SNTB2: variants seen among roughly 807,000 people sequenced by gnomAD.
SNTB2 encodes syntrophin beta 2.
In SNTB2, 34 loss-of-function variants were observed where a neutral mutation model predicts 46.2. The ratio of observed to expected loss-of-function variants is 0.74; its 90% CI spans 0.56 to 0.98. The LOEUF (loss-of-function observed/expected upper bound fraction) is 0.98. SNTB2 is among the 50% of genes least tolerant of loss of function. SNTB2 has a pLI of 0.00. For missense variants in SNTB2, 603 were observed against 731.4 expected (o/e 0.82, Z 2.02); for synonymous variants, 290 against 312.6 (o/e 0.93, Z 0.76).
At chr16:69,252,241 A>G (rs1964734389) in intron 2 of SNTB2, among the ~76,000 whole-genome samples, 1 of 152,358 alleles carries the variant, frequency 6.6e-6, no homozygotes, top group East Asian at 1.9e-4. Context: ...AATGATCAGA[A>G]TGAGTAAGTA....
chr16:69,292,778 AT>A (rs1027438306), intron 5 of SNTB2, among the ~76,000 whole-genome samples: 1 of 151,648 alleles, frequency 6.6e-6, no homozygotes, highest in African/African-American at 2.4e-5. Context: ...TATAACATCA[AT>A]TTTTTGATTT....
intron 1 of SNTB2, chr16:69,235,776 C>T (rs1964553971): frequency 1.2e-5 from 16 of 1,289,236 alleles, no homozygotes; most frequent in Non-Finnish European, 1.6e-5. Context: ...TCTGTCTGAC[C>T]AATATCAGGG....
chr16:69,281,143 T>G (rs1324109430), intron 4 of SNTB2, among the ~76,000 whole-genome samples: 3 of 152,136 alleles, frequency 2.0e-5, no homozygotes, highest in Non-Finnish European at 2.9e-5. Context: ...TTAATTTTAA[T>G]GAAGTCCAAC....
chr16:69,297,203 A>G (rs955025006), intron 5 of SNTB2, among the ~76,000 whole-genome samples: 1 of 145,594 alleles, frequency 6.9e-6, no homozygotes, highest in African/African-American at 2.5e-5. Flanking sequence ...GCTACTCAGG[A>G]GGCTAAGGCA....
rs1019928827 is a variant in SNTB2 at position 69,308,065 on chromosome 16, C to T, written c.*7141C>T. On this transcript the variant is annotated 3_prime_UTR_variant, in exon 7 of 7. Transcript: ENST00000336278. Reference sequence around the variant, plus strand: ...ATTGGAATGGCACAGGAAACCGAATCACATGGGTGCCCTCCCCTTGGTTTT... The same window carrying T: ...ATTGGAATGGCACAGGAAACCGAATTACATGGGTGCCCTCCCCTTGGTTTT... The T allele has an allele frequency of 6.6e-6, 1 of 152,590 alleles. No homozygotes were observed. Among genetic ancestry groups the T allele is most frequent in the Non-Finnish European group, 1.5e-5 (1 of 68,030 alleles). The allele number at this position is 152,590 out of a possible 1,614,324, so 9.5% of individuals were successfully genotyped here.
chr16:69,256,634 A>G (rs1332550491), intron 2 of SNTB2, among the ~76,000 whole-genome samples: 1 of 152,148 alleles, frequency 6.6e-6, no homozygotes, highest in African/African-American at 2.4e-5. Context: ...TGCATGTTGT[A>G]ACATGTGTTA....
intron 1 of SNTB2, among the ~76,000 whole-genome samples, chr16:69,223,590 C>T (rs1008946859): frequency 6.6e-6 from 1 of 152,050 alleles, no homozygotes; most frequent in South Asian, 2.1e-4. Flanking sequence ...CCACATTACA[C>T]TTCGTTGTCA....
intron 2 of SNTB2, among the ~76,000 whole-genome samples, chr16:69,259,771 G>A (rs945944183): frequency 7.3e-5 from 11 of 150,756 alleles, no homozygotes; most frequent in Non-Finnish European, 1.2e-4. Context: ...CACCATGTCC[G>A]GCTAATTTTT....
intron 4 of SNTB2, among the ~76,000 whole-genome samples, chr16:69,281,233 ATT>A (rs766538644): frequency 9.9e-5 from 14 of 140,812 alleles, no homozygotes; most frequent in Admixed American, 1.4e-4. Flanking sequence ...TATGTTATAG[ATT>A]TTTTTTTTTT....
chr16:69,297,091 G>A (rs906524660), intron 5 of SNTB2, among the ~76,000 whole-genome samples: 1 of 151,408 alleles, frequency 6.6e-6, no homozygotes, highest in African/African-American at 2.4e-5. Context: ...GGTTGCCTGA[G>A]CTCAGGAGTT....
chr16:69,239,038 C>A (rs886295057), intron 1 of SNTB2, among the ~76,000 whole-genome samples: 2 of 152,110 alleles, frequency 1.3e-5, no homozygotes, highest in African/African-American at 4.8e-5. Flanking sequence ...CCTCACTTAC[C>A]CAGCTCCAGT....
rs1347953656 is a variant in SNTB2, at chr16:69,187,742, G to A, written c.576G>A (p.Leu192=). The A allele has an allele frequency of 6.7e-6, 10 of 1,494,702 alleles. No homozygotes were observed. In the South Asian group the frequency reaches 1.0e-4, roughly 15 times the overall value. The allele number at this position is 1,494,702 out of a possible 1,614,324, so 92.6% of individuals were successfully genotyped here. A position where few individuals can be genotyped will look rare whatever the true frequency, so the allele number is the denominator to read the frequency against. Residue 192 remains leucine (L), a synonymous_variant, in exon 1 of 7, where the codon CTG becomes CTA. Transcript: ENST00000336278. ...ALKRAGKEVL[L]EVKFIREVTP... is the part of the protein sequence containing the mutation. ...AGCGCGCGGGCAAGGAGGTGCTGCT[G>A]GAGGGTGAGCGGGGCCGGGCGGGAG... is the stretch of plus-strand genomic sequence containing the variant.
intron 2 of SNTB2, among the ~76,000 whole-genome samples, chr16:69,247,038 T>TA: frequency 6.8e-6 from 1 of 146,922 alleles, no homozygotes; most frequent in Non-Finnish European, 1.5e-5. Context: ...CCCTAAAACT[T>TA]AAAGTATAAT....
chr16:69,256,175 A>G (rs1484768858), intron 2 of SNTB2, among the ~76,000 whole-genome samples: 3 of 151,984 alleles, frequency 2.0e-5, no homozygotes, highest in East Asian at 1.9e-4. Context: ...GAAAGAGCGA[A>G]ACTCCGTCTC....
rs908907477 is a variant in SNTB2, at chr16:69,299,449, A to T, written c.1346-141A>T. On this transcript the variant is annotated intron_variant, in intron 5 of 6. Transcript: ENST00000336278. The stretch of plus-strand genomic sequence containing the variant: ...AGCCACCACGCCTAGCACAAAACAC[A>T]CTTTAGAAGTTTCCATACAGGTTAG... 3.6e-6 allele frequency: 3 copies of T among 832,356 alleles called. No individual in the cohort carries two copies. In the African/African-American group the frequency reaches 5.2e-5, roughly 14 times the overall value. The allele number at this position is 832,356 out of a possible 1,614,324, so 51.6% of individuals were successfully genotyped here.
intron 1 of SNTB2, among the ~76,000 whole-genome samples, chr16:69,197,529 A>C (rs890489199): frequency 6.6e-6 from 1 of 152,230 alleles, no homozygotes; most frequent in Non-Finnish European, 1.5e-5. Context: ...ATTATCTGCA[A>C]ACTGTTTTGT....
At chr16:69,188,869 T>TA (rs1567392031) in intron 1 of SNTB2, among the ~76,000 whole-genome samples, 1 of 152,234 alleles carries the variant, frequency 6.6e-6, no homozygotes, top group East Asian at 1.9e-4. Flanking sequence ...AGAAAATAGT[T>TA]AGTGGAGATG....
intron 1 of SNTB2, among the ~76,000 whole-genome samples, chr16:69,201,515 A>C (rs537345485): frequency 4.1e-4 from 63 of 152,192 alleles, no homozygotes; most frequent in Non-Finnish European, 8.5e-4. Context: ...CATTTGAAGA[A>C]ATCTAAAATT....
intron 1 of SNTB2, among the ~76,000 whole-genome samples, chr16:69,194,643 C>G (rs1964085917): frequency 6.6e-6 from 1 of 152,160 alleles, no homozygotes; most frequent in African/African-American, 2.4e-5. Flanking sequence ...AATACTGGGC[C>G]TTACTCATCC....
Sources: gnomAD v4.1 joint callset for allele counts (sites outside exome capture counted in the v4.1 genomes callset) on GRCh38, gnomAD v4.1.1 for gene constraint, MANE v1.5 for transcripts, NCBI Gene and HGNC (gene_info 2026-07-23, HGNC 2026-07-21) for gene names.